The following SHISA9 variants were observed in gnomAD, a reference collection of about 807,000 sequenced individuals.
SHISA9 encodes shisa family member 9.
Under a neutral mutation model 38.0 loss-of-function variants are expected in SHISA9, and 13 were observed. The observed-to-expected ratio is 0.34, with a 90% CI of 0.22 to 0.54. The LOEUF is 0.54. Among genes scored for constraint, SHISA9 ranks in the 20% least tolerant of loss-of-function variants. The probability of loss-of-function intolerance (pLI) is 0.91; values close to 1 mark genes in which losing one functional copy is unlikely to be tolerated. For synonymous variants in SHISA9, 275 were observed against 242.0 expected, an observed-to-expected ratio of 1.14 and a Z score of -1.27; for missense variants, 538 against 575.8, an observed-to-expected ratio of 0.93 and a Z score of 0.67.
chr16:12,923,546 A>G (rs2071355476), intron 2 of SHISA9, among the ~76,000 whole-genome samples: 3 of 151,900 alleles, frequency 2.0e-5, no homozygotes, highest in Admixed American at 2.0e-4. Flanking sequence ...AGAAGAAGAA[A>G]TTTTGGGAGA....
At chr16:13,228,381 C>G (rs924977167) in intron 4 of SHISA9, among the ~76,000 whole-genome samples, 2 of 152,194 alleles carry the variant, frequency 1.3e-5, no homozygotes, top group Admixed American at 1.3e-4. Flanking sequence ...ACTTGAATGC[C>G]TCTGTATCTA....
the SHISA9 span, among the ~76,000 whole-genome samples, chr16:13,464,692 C>T: frequency 1.3e-5 from 2 of 152,106 alleles, no homozygotes; most frequent in Admixed American, 1.3e-4. Context: ...TACAAATATA[C>T]AGTAAAGTAA....
At chr16:13,373,113 T>C in the SHISA9 span, among the ~76,000 whole-genome samples, 1 of 152,136 alleles carries the variant, frequency 6.6e-6, no homozygotes, top group East Asian at 1.9e-4. Flanking sequence ...CTACACTTCG[T>C]GGTGTTTTTA....
At chr16:13,063,649 T>C (rs2073401776) in intron 2 of SHISA9, among the ~76,000 whole-genome samples, 1 of 152,136 alleles carries the variant, frequency 6.6e-6, no homozygotes, top group Admixed American at 6.5e-5. Flanking sequence ...GCAATGGCAT[T>C]GACAGCTCAC....
At chr16:13,372,359 G>T in the SHISA9 span, among the ~76,000 whole-genome samples, 1 of 152,210 alleles carries the variant, frequency 6.6e-6, no homozygotes, top group African/African-American at 2.4e-5. Flanking sequence ...CAAGGTCCCT[G>T]TCCCCATGGG....
the SHISA9 span, among the ~76,000 whole-genome samples, chr16:13,346,484 C>T: frequency 6.6e-6 from 1 of 152,152 alleles, no homozygotes; most frequent in Admixed American, 6.6e-5. Context: ...TTGACAATTC[C>T]TTTGGAATAG....
chr16:13,333,242 A>T, the SHISA9 span, among the ~76,000 whole-genome samples: 1 of 152,246 alleles, frequency 6.6e-6, no homozygotes, highest in Admixed American at 6.5e-5. Context: ...ACAGCCAGGG[A>T]CATGGGAGGA....
At chr16:13,234,401 G>A (rs1211496427) in intron 4 of SHISA9, among the ~76,000 whole-genome samples, 1 of 152,138 alleles carries the variant, frequency 6.6e-6, no homozygotes, top group African/African-American at 2.4e-5. Flanking sequence ...TATTGTAATG[G>A]CTTTCCTTAT....
At chr16:12,948,569 G>A (rs1029241133) in intron 2 of SHISA9, among the ~76,000 whole-genome samples, 1 of 152,238 alleles carries the variant, frequency 6.6e-6, no homozygotes, top group Admixed American at 6.5e-5. Context: ...GGTGCTGGCA[G>A]ATTCAGTGTC....
At chr16:13,546,116 T>A in the SHISA9 span, among the ~76,000 whole-genome samples, 46 of 152,312 alleles carry the variant, frequency 3.0e-4, no homozygotes, top group African/African-American at 9.9e-4. Flanking sequence ...TGGAGATGTC[T>A]TTGTCCTATA....
chr16:13,370,901 T>C, the SHISA9 span, among the ~76,000 whole-genome samples: 3 of 152,308 alleles, frequency 2.0e-5, no homozygotes, highest in East Asian at 5.8e-4. Flanking sequence ...GAGCACTTGC[T>C]GGGCACTTTT....
chr16:13,269,276 C>T, the SHISA9 span, among the ~76,000 whole-genome samples: 3 of 152,300 alleles, frequency 2.0e-5, no homozygotes, highest in African/African-American at 7.2e-5. Context: ...AACCCCAGTT[C>T]GGTCGGTCAC....
chr16:13,014,795 G>A (rs1228068680), intron 2 of SHISA9, among the ~76,000 whole-genome samples: 1 of 152,138 alleles, frequency 6.6e-6, no homozygotes, highest in Non-Finnish European at 1.5e-5. Flanking sequence ...CCTCACAGTG[G>A]GACTTTGTTC....
chr16:13,208,017 G>C (rs935873729), intron 3 of SHISA9, among the ~76,000 whole-genome samples: 3 of 152,084 alleles, frequency 2.0e-5, no homozygotes, highest in Admixed American at 2.0e-4. Flanking sequence ...AATTTCTCTG[G>C]GAAGCTTTAA....
chr16:13,009,985 T>C (rs2072650270), intron 2 of SHISA9, among the ~76,000 whole-genome samples: 2 of 152,124 alleles, frequency 1.3e-5, no homozygotes, highest in Admixed American at 6.5e-5. Flanking sequence ...GACACCAGCC[T>C]GGATAATATA....
Position 13,008,675 on chromosome 16 carries a change from C to CTCTCTCCT in SHISA9, c.691+91862_691+91863insTCTCCTTC, listed in dbSNP as rs1249285026. 1.6e-3 allele frequency among the ~76,000 whole-genome samples: 201 copies of CTCTCTCCT among 125,096 alleles called. 3 individuals carry two copies. Among genetic ancestry groups the CTCTCTCCT allele is most frequent in the African/African-American group, 6.3e-3 (193 of 30,722 alleles). The allele number at this position is 125,096 out of a possible 152,430, so 82.1% of individuals were successfully genotyped here. A position where few individuals can be genotyped will look rare whatever the true frequency, so the allele number is the denominator to read the frequency against. ...CCTCCCTCCCTCCCTTCCTCCCTCC[C>CTCTCTCCT]TCCCTCTCTCTCTCTCTCTTTCCTG... On this transcript the variant is annotated intron_variant, in intron 2 of 4. Transcript: ENST00000558583.
At chr16:13,039,755 C>T (rs1026268064) in intron 2 of SHISA9, among the ~76,000 whole-genome samples, 1 of 152,080 alleles carries the variant, frequency 6.6e-6, no homozygotes, top group African/African-American at 2.4e-5. Flanking sequence ...CAAAGACTGC[C>T]AAGAGCAAAA....
the SHISA9 span, among the ~76,000 whole-genome samples, chr16:13,509,318 T>C: frequency 2.0e-5 from 3 of 152,112 alleles, no homozygotes; most frequent in African/African-American, 7.2e-5. Flanking sequence ...TATTAAGAGT[T>C]ATGATGAGGC....
the SHISA9 span, among the ~76,000 whole-genome samples, chr16:13,397,911 G>A: frequency 4.6e-5 from 7 of 152,194 alleles, no homozygotes; most frequent in Non-Finnish European, 1.0e-4. Context: ...TTAATTGAGT[G>A]GAAGTAGCTC....
Sources: allele counts gnomAD v4.1 joint callset (sites outside exome capture counted in the v4.1 genomes callset), GRCh38; gene constraint gnomAD v4.1.1; transcripts MANE v1.5; gene names NCBI Gene and HGNC (gene_info 2026-07-23, HGNC 2026-07-21).